Variants in SDK1 observed in about 807,000 individuals in gnomAD.
SDK1 encodes sidekick cell adhesion molecule 1.
A neutral mutation model predicts 245.5 loss-of-function variants in SDK1; 157 were observed. The observed-to-expected ratio is 0.64, with a 90% CI of 0.56 to 0.73. The LOEUF (loss-of-function observed/expected upper bound fraction) is 0.73. Among genes scored for constraint, SDK1 ranks in the 30% least tolerant of loss-of-function variants. SDK1 has a pLI of 0.00. For synonymous variants in SDK1, 1,647 were observed against 1,278.5 expected, an observed-to-expected ratio of 1.29 and a Z score of -6.15; for missense variants, 3,583 against 3,002.3, an observed-to-expected ratio of 1.19 and a Z score of -4.52.
At position 3,580,098 on chromosome 7, in the gene SDK1, T is replaced by G. The variant is rs113106570; in HGVS notation, c.299-38982T>G. ...TACAGCTAACCAGGGAGCCAAGAGA[T>G]CTCTACAAGGAGAATTACAAAACAC... On this transcript the variant is annotated intron_variant, in intron 1 of 44. Coordinates refer to ENST00000404826, the MANE Select transcript of SDK1 (RefSeq NM_152744.4). Among the ~76,000 whole-genome samples, 824 of 152,020 alleles carry G rather than the reference T, an allele frequency of 5.4e-3. 7 individuals carry two copies. The highest frequency in any genetic ancestry group is 0.018 in the South Asian group (88 of 4,808).
At chr7:3,704,869 G>A (rs998632519) in intron 4 of SDK1, among the ~76,000 whole-genome samples, 2 of 152,154 alleles carry the variant, frequency 1.3e-5, no homozygotes, top group African/African-American at 4.8e-5. Flanking sequence ...TTTGAATAAG[G>A]TAAGAGACAG....
At chr7:4,225,549 C>T (rs1359642314) in intron 40 of SDK1, among the ~76,000 whole-genome samples, 1 of 152,186 alleles carries the variant, frequency 6.6e-6, no homozygotes, top group South Asian at 2.1e-4. Flanking sequence ...CCTTGACTTT[C>T]TCCTCAGGTT....
In SDK1 at chr7:3,706,697, C is replaced by T. The variant is rs371137731; in HGVS notation, c.713+64592C>T. On this transcript the variant is annotated intron_variant, in intron 4 of 44. Transcript: ENST00000404826. ...GATTATAGGCGTGAGCCACTGTGCT[C>T]GGCCAGCAACTTTTTTTTAAATTAC... is the stretch of plus-strand genomic sequence containing the variant. Among the ~76,000 whole-genome samples the T allele has an allele frequency of 3.6e-4, 55 of 152,270 alleles. 1 individual carries two copies. The highest frequency in any genetic ancestry group is 1.3e-3 in the African/African-American group (53 of 41,562).
chr7:3,807,177 C>T (rs1779271656), intron 4 of SDK1, among the ~76,000 whole-genome samples: 1 of 152,194 alleles, frequency 6.6e-6, no homozygotes, highest in Non-Finnish European at 1.5e-5. Flanking sequence ...CATTAGTCTT[C>T]ATGGACGGAA....
In SDK1 at chr7:4,012,204, C is replaced by T. The variant is rs748656802; in HGVS notation, c.2389C>T (p.His797Tyr). The T allele has an allele frequency of 8.3e-6, 13 of 1,558,924 alleles. No individual in the cohort carries two copies. The highest frequency in any genetic ancestry group is 1.9e-5 in the Admixed American group (1 of 51,570). The change falls in exon 16 of 45, where the codon CAC becomes TAC. Residue 797 changes from histidine to tyrosine, a missense_variant. His to Tyr is a moderately conservative substitution (Grantham distance 83). Transcript: ENST00000404826. ...VQWQPPPETEHNGVLRGYILR... is the reference protein window; with the variant it reads ...VQWQPPPETEYNGVLRGYILR... ...GTGGCAGCCACCCCCAGAAACAGAG[C>T]ACAACGGGGTGTTGCGTGGATACAT...
At chr7:4,044,707 A>G (rs1375515892) in intron 17 of SDK1, among the ~76,000 whole-genome samples, 1 of 152,066 alleles carries the variant, frequency 6.6e-6, no homozygotes. Context: ...AGACTCCCAA[A>G]GTGTTGGGAT....
chr7:3,723,523 G>C (rs1778886842), intron 4 of SDK1, among the ~76,000 whole-genome samples: 1 of 152,100 alleles, frequency 6.6e-6, no homozygotes. Flanking sequence ...ACATCAGTGA[G>C]AAAATTATAT....
At chr7:3,556,875 A>C (rs1779602241) in intron 1 of SDK1, among the ~76,000 whole-genome samples, 1 of 152,124 alleles carries the variant, frequency 6.6e-6, no homozygotes, top group South Asian at 2.1e-4. Flanking sequence ...TACTTACGTG[A>C]TGGATACCCA....
At position 3,533,759 on chromosome 7, in the gene SDK1, T is replaced by A. The variant is rs547448716; in HGVS notation, c.299-85321T>A. The stretch of plus-strand genomic sequence containing the variant: ...CCTGTTTTCATCTATTTTTCTTTCA[T>A]CCATCTCTTTGGCTGCTTCCCCCGC... On this transcript the variant is annotated intron_variant, in intron 1 of 44. Coordinates refer to ENST00000404826, the MANE Select transcript of SDK1 (RefSeq NM_152744.4). 2.6e-5 allele frequency among the ~76,000 whole-genome samples: 4 copies of A among 152,310 alleles called. No homozygotes were observed. In the South Asian group the frequency reaches 8.3e-4, roughly 32 times the overall value.
intron 4 of SDK1, among the ~76,000 whole-genome samples, chr7:3,787,681 T>C (rs1008490822): frequency 2.0e-5 from 3 of 152,182 alleles, no homozygotes; most frequent in African/African-American, 7.2e-5. Flanking sequence ...CCTTTCCTTA[T>C]AAAATACTGG....
At chr7:4,012,694 C>T (rs1786087672) in intron 16 of SDK1, among the ~76,000 whole-genome samples, 1 of 150,884 alleles carries the variant, frequency 6.6e-6, no homozygotes, top group African/African-American at 2.4e-5. Flanking sequence ...CTGCCTCAGC[C>T]TCCCGAGTAG....
chr7:3,774,392 G>T (rs1780490828), intron 4 of SDK1, among the ~76,000 whole-genome samples: 1 of 152,138 alleles, frequency 6.6e-6, no homozygotes, highest in South Asian at 2.1e-4. Context: ...TCTTGTGTTT[G>T]GAGGACAGTG....
intron 5 of SDK1, among the ~76,000 whole-genome samples, chr7:3,891,536 G>C (rs1232557928): frequency 1.3e-5 from 2 of 152,150 alleles, no homozygotes; most frequent in Non-Finnish European, 2.9e-5. Flanking sequence ...TGTCCTGTTT[G>C]TTTTTAATCT....
chr7:3,938,632 T>C (rs1780245549), intron 5 of SDK1, among the ~76,000 whole-genome samples: 1 of 121,894 alleles, frequency 8.2e-6, no homozygotes, highest in Non-Finnish European at 1.5e-5. Flanking sequence ...GGCGACAGAG[T>C]GAGACTCCGT....
chr7:3,554,079 A>T (rs1779507912), intron 1 of SDK1, among the ~76,000 whole-genome samples: 1 of 152,224 alleles, frequency 6.6e-6, no homozygotes, highest in Non-Finnish European at 1.5e-5. Flanking sequence ...AGGATGTAGA[A>T]GGTCTGAACA....
intron 44 of SDK1, among the ~76,000 whole-genome samples, chr7:4,263,523 G>C (rs9719346): frequency 1.1e-4 from 11 of 97,236 alleles, no homozygotes; most frequent in African/African-American, 1.3e-4. Flanking sequence ...CCTCTCCTGA[G>C]TGGGGAGGCC....
chr7:3,315,201 A>C (rs1170473341), intron 1 of SDK1, among the ~76,000 whole-genome samples: 3 of 152,218 alleles, frequency 2.0e-5, no homozygotes, highest in African/African-American at 7.2e-5. Flanking sequence ...ATTTCTGAAT[A>C]TATTAGGTGA....
chr7:3,474,528 A>T (rs1252405886), intron 1 of SDK1, among the ~76,000 whole-genome samples: 2 of 152,118 alleles, frequency 1.3e-5, no homozygotes, highest in East Asian at 3.9e-4. Flanking sequence ...TTCCTTTAAC[A>T]GTCTTCTATC....
At chr7:3,508,588 A>G (rs949146296) in intron 1 of SDK1, among the ~76,000 whole-genome samples, 2 of 152,096 alleles carry the variant, frequency 1.3e-5, no homozygotes, top group Non-Finnish European at 2.9e-5. Flanking sequence ...TGGGCCTCCC[A>G]AAGTGTTGGG....
Sources: allele counts gnomAD v4.1 joint callset (sites outside exome capture counted in the v4.1 genomes callset), GRCh38; gene constraint gnomAD v4.1.1; transcripts MANE v1.5; gene names NCBI Gene and HGNC (gene_info 2026-07-23, HGNC 2026-07-21).